The following AGAP1 variants were observed in gnomAD, a reference collection of about 807,000 sequenced individuals.
AGAP1 encodes ArfGAP with GTPase domain, ankyrin repeat and PH domain 1.
AGAP1 carries 29 observed loss-of-function variants against 105.3 expected under a neutral mutation model. The observed-to-expected ratio is 0.28, with a 90% confidence interval of 0.21 to 0.38. The LOEUF (loss-of-function observed/expected upper bound fraction) is 0.38. Among genes scored for constraint, AGAP1 ranks in the 10% least tolerant of loss-of-function variants. AGAP1 has a pLI of 1.00. For synonymous variants in AGAP1, 509 were observed against 485.9 expected (o/e 1.05, Z -0.63); for missense variants, 998 against 1,165.1 (o/e 0.86, Z 2.09).
Position 236,080,740 on chromosome 2 carries a change from GCTGTGAGAGAGTCCATGCCC to G in AGAP1, c.2114+31464_2114+31483del, listed in dbSNP as rs2058759243. 6.6e-6 allele frequency among the ~76,000 whole-genome samples: 1 copy of G among 152,092 alleles called. No homozygotes were observed. The highest frequency in any genetic ancestry group is 2.1e-4 in the South Asian group (1 of 4,806). On this transcript the variant is annotated intron_variant, in intron 16 of 17. Coordinates refer to ENST00000304032, the MANE Select transcript of AGAP1 (RefSeq NM_001037131.3). The surrounding 1 kb of genome is among the most constrained non-coding windows in gnomAD (Gnocchi z 4.2). ...CTGCATGGTTTCATTCCTTCTAGAGGCTGTGAGAGAGTCCATGCCCCTGTCTGTTCCAGCTTCTAGAAGCT... is the reference window on the plus strand; with the variant it reads ...CTGCATGGTTTCATTCCTTCTAGAGGCTGTCTGTTCCAGCTTCTAGAAGCT...
rs1477580294 is a variant in AGAP1 at position 236,003,430 on chromosome 2, A to G, written c.1646-33131A>G. 6.6e-6 allele frequency among the ~76,000 whole-genome samples: 1 copy of G among 152,144 alleles called. No homozygotes were observed. The highest frequency in any genetic ancestry group is 1.5e-5 in the Non-Finnish European group (1 of 68,000). On this transcript the variant is annotated intron_variant, in intron 13 of 17. Coordinates refer to ENST00000304032, the MANE Select transcript of AGAP1 (RefSeq NM_001037131.3). The surrounding 1 kb of genome is among the most constrained non-coding windows in gnomAD (Gnocchi z 4.2). ...GGAGGATGCTGGCCCACACCAAGGC[A>G]CCAAGATTTTACCCACCTCTGTGTG...
At chr2:235,829,612 T>C (rs1959193002) in intron 9 of AGAP1, among the ~76,000 whole-genome samples, 1 of 152,256 alleles carries the variant, frequency 6.6e-6, no homozygotes, top group Admixed American at 6.5e-5. Context: ...TTGTTATATA[T>C]TGCGAAGAGA....
At chr2:235,761,819 G>A (rs1450685506) in intron 6 of AGAP1, among the ~76,000 whole-genome samples, 3 of 152,006 alleles carry the variant, frequency 2.0e-5, no homozygotes, top group African/African-American at 7.2e-5. Context: ...TAGGGAATAT[G>A]GACATAGGCC....
intron 1 of AGAP1, among the ~76,000 whole-genome samples, chr2:235,497,140 A>G (rs1941353198): frequency 6.6e-6 from 1 of 152,204 alleles, no homozygotes; most frequent in Admixed American, 6.5e-5. Flanking sequence ...GTGGGTGGGT[A>G]GCTTCCTCAT....
chr2:235,686,751 T>C (rs1485032059), intron 1 of AGAP1, among the ~76,000 whole-genome samples: 1 of 148,886 alleles, frequency 6.7e-6, no homozygotes, highest in East Asian at 2.0e-4. Flanking sequence ...AGCCATGGGC[T>C]TAAGCAGTCT....
chr2:236,016,169 C>T (rs1362477330), intron 13 of AGAP1, among the ~76,000 whole-genome samples: 2 of 151,904 alleles, frequency 1.3e-5, no homozygotes, highest in African/African-American at 4.8e-5. Context: ...ACCAGTGGAG[C>T]TTGGCCTCAT....
chr2:235,978,888 C>T (rs1374171309), intron 13 of AGAP1, among the ~76,000 whole-genome samples: 1 of 152,022 alleles, frequency 6.6e-6, no homozygotes, highest in Non-Finnish European at 1.5e-5. Flanking sequence ...CAAACAAGTG[C>T]ATGCACACTC....
chr2:235,898,680 C>T (rs1017768992), intron 10 of AGAP1, among the ~76,000 whole-genome samples: 14 of 152,242 alleles, frequency 9.2e-5, no homozygotes, highest in Admixed American at 3.9e-4. Flanking sequence ...AGGGCTTTGG[C>T]GCTCTGTTAA....
intron 16 of AGAP1, among the ~76,000 whole-genome samples, chr2:236,081,380 G>A (rs1003792629): frequency 6.6e-5 from 10 of 152,244 alleles, no homozygotes; most frequent in Non-Finnish European, 8.8e-5. Context: ...GAAAATGGCC[G>A]GGGTGCGTGT....
chr2:235,613,808 G>C (rs563633898), intron 1 of AGAP1, among the ~76,000 whole-genome samples: 1 of 152,222 alleles, frequency 6.6e-6, no homozygotes, highest in Admixed American at 6.5e-5. Context: ...CCTCCCTGTA[G>C]AATGAGGCTC....
intron 16 of AGAP1, among the ~76,000 whole-genome samples, chr2:236,067,936 C>A (rs916619251): frequency 6.6e-6 from 1 of 152,170 alleles, no homozygotes. Flanking sequence ...AAGAGAAGGA[C>A]ATGTTGTGTA....
intron 2 of AGAP1, among the ~76,000 whole-genome samples, chr2:235,711,746 A>C (rs1289434183): frequency 1.3e-5 from 2 of 152,180 alleles, no homozygotes; most frequent in Admixed American, 6.5e-5. Context: ...GACTGAAGAA[A>C]GCGCTGCTTT....
At chr2:235,995,596 G>A (rs1316223340) in intron 13 of AGAP1, among the ~76,000 whole-genome samples, 3 of 152,178 alleles carry the variant, frequency 2.0e-5, no homozygotes, top group Non-Finnish European at 4.4e-5. Flanking sequence ...CACATTCACC[G>A]TGCACGGCAG....
At chr2:235,742,564 T>C (rs1211160330) in intron 4 of AGAP1, among the ~76,000 whole-genome samples, 2 of 152,168 alleles carry the variant, frequency 1.3e-5, no homozygotes, top group African/African-American at 2.4e-5. Flanking sequence ...GTTTATAGTA[T>C]GGCAGGGCAA....
chr2:236,110,140 G>C (rs2059606423), intron 16 of AGAP1, among the ~76,000 whole-genome samples: 1 of 152,186 alleles, frequency 6.6e-6, no homozygotes, highest in African/African-American at 2.4e-5. Flanking sequence ...CTCTAAGATG[G>C]GGGTAAGAAT....
intron 16 of AGAP1, among the ~76,000 whole-genome samples, chr2:236,070,249 A>G (rs1378311805): frequency 1.3e-5 from 2 of 152,256 alleles, no homozygotes; most frequent in Non-Finnish European, 2.9e-5. Flanking sequence ...ATTTGGCATC[A>G]GGGCGAGTGG....
intron 1 of AGAP1, among the ~76,000 whole-genome samples, chr2:235,603,354 T>A (rs1945803949): frequency 6.6e-6 from 1 of 152,220 alleles, no homozygotes; most frequent in Non-Finnish European, 1.5e-5. Context: ...GGGTATGCCT[T>A]TATCAGCAGC....
At chr2:235,884,103 G>C (rs1305489896) in intron 10 of AGAP1, among the ~76,000 whole-genome samples, 1 of 152,100 alleles carries the variant, frequency 6.6e-6, no homozygotes, top group Non-Finnish European at 1.5e-5. Flanking sequence ...TTTAAAGTTG[G>C]GGTGTTCTAG....
At position 235,824,910 on chromosome 2, in the gene AGAP1, C is replaced by T. The variant is rs938028415; in HGVS notation, c.1050+17579C>T. 1.3e-5 allele frequency among the ~76,000 whole-genome samples: 2 copies of T among 152,136 alleles called. No individual in the cohort carries two copies. Among genetic ancestry groups the T allele is most frequent in the Non-Finnish European group, 2.9e-5 (2 of 68,030 alleles). On this transcript the variant is annotated intron_variant, in intron 9 of 17. Transcript: ENST00000304032. This position sits in a 1 kb window ranked among gnomAD's most constrained non-coding sequence, Gnocchi z 5.2. ...TGTTTTTATGTCTCACGTTTACAGG[C>T]GCTTTTCTGATTTTTCTTTCCCCCT...
Sources: gnomAD v4.1 joint callset for allele counts (sites outside exome capture counted in the v4.1 genomes callset) on GRCh38, gnomAD v4.1.1 for gene constraint, Gnocchi (gnomAD v3.1) non-coding constraint, MANE v1.5 for transcripts, NCBI Gene and HGNC (gene_info 2026-07-23, HGNC 2026-07-21) for gene names.